ANK2: variants seen among roughly 807,000 people sequenced by gnomAD.
ANK2 encodes the protein ankyrin 2.
ANK2 carries 83 observed loss-of-function variants against 360.5 expected under a neutral mutation model. The ratio of observed to expected loss-of-function variants is 0.23; its 90% CI spans 0.19 to 0.28. The LOEUF is 0.28. Among genes scored for constraint, ANK2 ranks in the 10% least tolerant of loss-of-function variants. The probability of loss-of-function intolerance (pLI) is 1.00; values close to 1 mark genes in which losing one functional copy is unlikely to be tolerated. For synonymous variants in ANK2, 1,740 were observed against 1,759.5 expected (o/e 0.99, Z 0.28); for missense variants, 4,201 against 4,795.7 (o/e 0.88, Z 3.66).
chr4:112,940,678 CTA>C (rs2094140009), intron 2 of ANK2, among the ~76,000 whole-genome samples: 1 of 152,122 alleles, frequency 6.6e-6, no homozygotes. Flanking sequence ...TGAACCATAA[CTA>C]CAATGCTAGC....
intron 1 of ANK2, among the ~76,000 whole-genome samples, chr4:113,118,321 C>T (rs1371566574): frequency 1.3e-5 from 2 of 152,168 alleles, no homozygotes; most frequent in Non-Finnish European, 2.9e-5. Flanking sequence ...GTGGTTTGTA[C>T]ACAAGCTGTT....
chr4:113,347,631 G>GA, intron 35 of ANK2, among the ~76,000 whole-genome samples: 1 of 151,914 alleles, frequency 6.6e-6, no homozygotes, highest in South Asian at 2.1e-4. Context: ...AACTCAAAAA[G>GA]AAAAAAATCC....
chr4:112,969,091 C>T (rs561608269), intron 2 of ANK2, among the ~76,000 whole-genome samples: 1 of 152,262 alleles, frequency 6.6e-6, no homozygotes, highest in East Asian at 1.9e-4. Flanking sequence ...TACCTATATT[C>T]TACTGATGAG....
chr4:112,979,372 G>T (rs1049159256), intron 2 of ANK2, among the ~76,000 whole-genome samples: 5 of 152,186 alleles, frequency 3.3e-5, no homozygotes, highest in Non-Finnish European at 5.9e-5. Context: ...GGTGGTGCCT[G>T]GAAGCTTGGA....
At chr4:113,035,098 CTG>C (rs998903968) in intron 2 of ANK2, among the ~76,000 whole-genome samples, 1 of 150,770 alleles carries the variant, frequency 6.6e-6, no homozygotes, top group African/African-American at 2.4e-5. Context: ...TGTTATGAGT[CTG>C]TGGAAGAAAT....
chr4:113,090,095 A>G (rs1476470079), intron 1 of ANK2, among the ~76,000 whole-genome samples: 18 of 152,224 alleles, frequency 1.2e-4, no homozygotes, highest in Admixed American at 1.2e-3. Context: ...GAAGTCTGTG[A>G]AATCATATCT....
At chr4:113,375,445 G>A (rs572782877) in intron 45 of ANK2, among the ~76,000 whole-genome samples, 88 of 151,690 alleles carry the variant, frequency 5.8e-4, no homozygotes, top group Non-Finnish European at 9.9e-4. Flanking sequence ...TCCACGGTTG[G>A]CCAGGCACAG....
chr4:113,253,924 C>T lies in ANK2; in HGVS notation c.991-1811C>T, dbSNP rs1221237740. 2.0e-5 allele frequency among the ~76,000 whole-genome samples: 3 copies of T among 152,184 alleles called. No individual in the cohort carries two copies. The East Asian group carries it at 5.8e-4, about 29-fold the overall frequency. ...GTCTCTCACCTCTTTGAATTCCTCC[C>T]CTTATCCATCCTCCTCAATCACTTG... On this transcript the variant is annotated intron_variant, in intron 10 of 45. Coordinates refer to ENST00000357077, the MANE Select transcript of ANK2 (RefSeq NM_001148.6).
chr4:112,958,062 C>A (rs895903739), intron 2 of ANK2, among the ~76,000 whole-genome samples: 5 of 151,802 alleles, frequency 3.3e-5, no homozygotes, highest in African/African-American at 1.2e-4. Flanking sequence ...GCGCTCCTCA[C>A]TTCCTAGATG....
chr4:112,736,234 G>A, the ANK2 span, among the ~76,000 whole-genome samples: 3 of 152,034 alleles, frequency 2.0e-5, no homozygotes, highest in Admixed American at 6.6e-5. Context: ...AGGCCTAGAC[G>A]GGCAGATTGC....
At chr4:112,763,330 G>A in the ANK2 span, among the ~76,000 whole-genome samples, 1 of 150,668 alleles carries the variant, frequency 6.6e-6, no homozygotes, top group South Asian at 2.1e-4. Flanking sequence ...CCGGGTTTAC[G>A]CCATTCTCCT....
intron 22 of ANK2, among the ~76,000 whole-genome samples, chr4:113,300,588 A>C (rs910743303): frequency 1.3e-5 from 2 of 152,244 alleles, no homozygotes; most frequent in Admixed American, 6.5e-5. Context: ...ACATAGCAGC[A>C]GATAAACACA....
intron 1 of ANK2, among the ~76,000 whole-genome samples, chr4:113,080,058 A>G (rs930490748): frequency 6.6e-6 from 1 of 151,996 alleles, no homozygotes; most frequent in Non-Finnish European, 1.5e-5. Context: ...GACACCACAC[A>G]TGGCTAATTT....
chr4:113,356,590 A>C lies in ANK2; in HGVS notation c.7972A>C (p.Arg2658=). The C allele has an allele frequency of 6.2e-7, 1 of 1,614,122 alleles. No individual in the cohort carries two copies. The highest frequency in any genetic ancestry group is 1.1e-5 in the South Asian group (1 of 91,090). Residue 2658 remains arginine, a synonymous_variant, in exon 38 of 46, where the codon AGG becomes CGG. Transcript: ENST00000357077. The part of the protein sequence containing the change: ...GVPVLVTSES[R]KVSSSSESEP... Reference sequence around the variant, plus strand: ...CCCTGTGTTAGTAACTTCGGAGAGCAGGAAGGTGTCTTCCTCCTCAGAAAG... The same window carrying C: ...CCCTGTGTTAGTAACTTCGGAGAGCCGGAAGGTGTCTTCCTCCTCAGAAAG...
chr4:113,270,329 AC>A (rs2058027893), intron 14 of ANK2, among the ~76,000 whole-genome samples: 1 of 152,140 alleles, frequency 6.6e-6, no homozygotes, highest in African/African-American at 2.4e-5. Flanking sequence ...TATTGATATA[AC>A]CCATTATTAC....
the ANK2 span, among the ~76,000 whole-genome samples, chr4:112,774,897 C>T: frequency 1.3e-5 from 2 of 152,210 alleles, no homozygotes; most frequent in Non-Finnish European, 2.9e-5. Flanking sequence ...AAGACTGATG[C>T]TTTGAAAAAT....
intron 31 of ANK2, among the ~76,000 whole-genome samples, chr4:113,338,681 C>G (rs2093882588): frequency 6.6e-6 from 1 of 151,014 alleles, no homozygotes; most frequent in South Asian, 2.1e-4. Context: ...TCCCTAGTAG[C>G]TGGGACTACA....
chr4:112,876,841 T>TCTAG (rs1457012361), intron 1 of ANK2, among the ~76,000 whole-genome samples: 1 of 152,148 alleles, frequency 6.6e-6, no homozygotes, highest in Non-Finnish European at 1.5e-5. Context: ...TACCACAAAG[T>TCTAG]CTAGGTTCCA....
At chr4:112,912,043 G>A (rs1476512532) in intron 2 of ANK2, among the ~76,000 whole-genome samples, 1 of 152,084 alleles carries the variant, frequency 6.6e-6, no homozygotes, top group African/African-American at 2.4e-5. Flanking sequence ...CGAACGTGGT[G>A]GCGGGCGCCT....
Sources: allele counts gnomAD v4.1 joint callset (sites outside exome capture counted in the v4.1 genomes callset), GRCh38; gene constraint gnomAD v4.1.1; transcripts MANE v1.5; gene names NCBI Gene and HGNC (gene_info 2026-07-23, HGNC 2026-07-21).